MASP2: variants seen among roughly 807,000 people sequenced by gnomAD.
The protein encoded by MASP2 is MBL associated serine protease 2.
In MASP2, 49 loss-of-function variants were observed where a neutral mutation model predicts 57.1. The observed-to-expected ratio is 0.86, with a 90% confidence interval of 0.68 to 1.09. MASP2 has a LOEUF of 1.09. MASP2 is among the 50% of genes least tolerant of loss of function. The pLI, the probability that MASP2 is intolerant of heterozygous loss-of-function variation, is 0.00. For synonymous variants in MASP2, 379 were observed against 340.8 expected (o/e 1.11, Z -1.24); for missense variants, 900 against 874.8 (o/e 1.03, Z -0.36).
chr1:11,041,811 T>C (rs946025722), intron 6 of MASP2, among the ~76,000 whole-genome samples: 1 of 27,588 alleles, frequency 3.6e-5, no homozygotes, highest in African/African-American at 1.4e-4. Flanking sequence ...TATGTGTAGG[T>C]AGAAGGATGG....
intron 7 of MASP2, among the ~76,000 whole-genome samples, chr1:11,036,328 C>G (rs1299730350): frequency 1.3e-5 from 2 of 150,286 alleles, no homozygotes; most frequent in Non-Finnish European, 3.0e-5. Context: ...CAAGGTGAAA[C>G]CCCGTCTCTA....
intron 10 of MASP2, among the ~76,000 whole-genome samples, chr1:11,029,214 A>G (rs1316507419): frequency 2.7e-5 from 4 of 146,552 alleles, no homozygotes; most frequent in Non-Finnish European, 6.0e-5. Context: ...GTTGGCCAAG[A>G]TGGTCTCGAT....
At chr1:11,041,639 A>ATAG (rs1638443800) in intron 6 of MASP2, among the ~76,000 whole-genome samples, 1 of 145,938 alleles carries the variant, frequency 6.9e-6, no homozygotes, top group African/African-American at 2.6e-5. Flanking sequence ...GGATGGATGG[A>ATAG]ATGATGGGTA....
In MASP2 at chr1:11,042,209, T is replaced by C. The variant is rs148495761; in HGVS notation, c.889+666A>G. Among the ~76,000 whole-genome samples the C allele has an allele frequency of 4.9e-3, 700 of 142,220 alleles. 6 individuals are homozygous for C. The highest frequency in any genetic ancestry group is 8.1e-3 in the Non-Finnish European group (533 of 65,726). The allele number at this position is 142,220 out of a possible 152,430, so 93.3% of individuals were successfully genotyped here. On this transcript the variant is annotated intron_variant, in intron 6 of 10. Transcript: ENST00000400897. ...GACGATGGGTGTATGGATGGATGGA[T>C]AGAAGGATATGTAGAAGGATGGGTG...
intron 9 of MASP2, 33 bp from the exon 10 acceptor site, chr1:11,030,283 CT>C (rs1557666925): frequency 6.8e-7 from 1 of 1,471,778 alleles, no homozygotes; most frequent in East Asian, 2.3e-5. Flanking sequence ...AAATGTTTAA[CT>C]GCATGTATAA....
chr1:11,031,089 C>G (rs921768420), intron 8 of MASP2, among the ~76,000 whole-genome samples: 5 of 151,906 alleles, frequency 3.3e-5, no homozygotes, highest in African/African-American at 9.7e-5. Flanking sequence ...GTCCCAATTA[C>G]TTGAGAGGCT....
chr1:11,030,838 C>T lies in MASP2; in HGVS notation c.1132G>A (p.Glu378Lys), dbSNP rs1432082916. The T allele has an allele frequency of 2.5e-6, 4 of 1,613,910 alleles. No homozygotes were observed. The highest frequency in any genetic ancestry group is 1.7e-5 in the Admixed American group (1 of 59,980). Residue 378 changes from glutamate (E) to lysine (K), a missense_variant, in exon 9 of 11, where the codon GAG (glutamate) becomes AAG (lysine). Transcript: ENST00000400897. ...GTCACTCCAGGACCTGTGATGTACT[C>T]CACTCGGCCACTGGGTAGATCATCA... ...PPDDLPSGRVEYITGPGVTTY... is the reference protein window; with the variant it reads ...PPDDLPSGRVKYITGPGVTTY...
At chr1:11,035,919 C>T (rs1643883039) in intron 7 of MASP2, among the ~76,000 whole-genome samples, 1 of 141,168 alleles carries the variant, frequency 7.1e-6, no homozygotes, top group Non-Finnish European at 1.5e-5. Flanking sequence ...AAAAAAAAGC[C>T]AGAGGACTGT....
intron 6 of MASP2, among the ~76,000 whole-genome samples, chr1:11,039,508 AGAAT>A (rs201272210): frequency 0.08 from 7,784 of 97,430 alleles, 636 homozygotes; most frequent in African/African-American, 0.24. Flanking sequence ...GATGGATGAA[AGAAT>A]GAATGGATGA....
At chr1:11,032,674 C>T (rs376227438) in intron 8 of MASP2, among the ~76,000 whole-genome samples, 2 of 150,428 alleles carry the variant, frequency 1.3e-5, no homozygotes, top group Non-Finnish European at 2.9e-5. Flanking sequence ...TTTGGGAGGC[C>T]AAGGCAGGTG....
chr1:11,047,013 C>A lies in MASP2; in HGVS notation c.112G>T (p.Glu38Ter), dbSNP rs750538218. ...CGCCGCTCCTGGTCATTGGCATACT[C>A]CCCTGGAAAGCCGGGGGATGCCAGG... ...GRLASPGFPG[E>*]YANDQERRWT... is the part of the protein sequence containing the mutation. Residue 38 changes from glutamate to a stop codon, truncating the protein, a stop_gained, in exon 2 of 11, where the codon GAG becomes TAG. Transcript: ENST00000400897. LOFTEE classifies it high-confidence loss of function. 3 of 1,552,924 alleles carry A rather than the reference C, an allele frequency of 1.9e-6. No individual in the cohort carries two copies. The highest frequency in any genetic ancestry group is 2.4e-5 in the South Asian group (2 of 84,210).
At position 11,045,502 on chromosome 1, in the gene MASP2, G is replaced by T. The variant is rs1638608540; in HGVS notation, c.450C>A (p.Pro150=). ...GGTTGTGGCAGTGGTGGTCGCAGGT[G>T]GGCGCCTCTCCCGGGGCCACCTGGC... ...DECQVAPGEA[P]TCDHHCHNHL... is the part of the protein sequence containing the mutation. Residue 150 remains proline (P), a synonymous_variant, in exon 4 of 11, where the codon CCC becomes CCA. Transcript: ENST00000400897. 5.6e-6 allele frequency: 9 copies of T among 1,611,256 alleles called. No homozygotes were observed. The highest frequency in any genetic ancestry group is 7.6e-6 in the Non-Finnish European group (9 of 1,179,600).
chr1:11,046,856 C>T lies in MASP2; in HGVS notation c.234+35G>A, dbSNP rs902308795. ...GGCTACTCCTTGGGGACCCCCCGAC[C>T]CTGAGAAACCCCAGCCCTCCCGTCC... On this transcript the variant is annotated intron_variant, in intron 2 of 10. Transcript: ENST00000400897. The T allele has an allele frequency of 3.9e-6, 6 of 1,552,336 alleles. No homozygotes were observed. The South Asian group carries it at 5.9e-5, about 15-fold the overall frequency.
chr1:11,032,751 A>G (rs1387886530), intron 8 of MASP2, among the ~76,000 whole-genome samples: 2 of 151,972 alleles, frequency 1.3e-5, no homozygotes, highest in Admixed American at 6.6e-5. Context: ...TCTACTAAAA[A>G]TAGAAAAATT....
At chr1:11,028,079 G>T (rs907286311) in intron 10 of MASP2, among the ~76,000 whole-genome samples, 5 of 151,916 alleles carry the variant, frequency 3.3e-5, no homozygotes, top group Admixed American at 3.3e-4. Flanking sequence ...AAAATTAGCC[G>T]GGCGTGGTGA....
Position 11,030,399 on chromosome 1 carries a change from G to C in MASP2, c.1223-149C>G, listed in dbSNP as rs1643824231. ...ACCATTTTACATGATTTCATAAATA[G>C]GAGGTCTCTGCATTACCATGTTTGC... On this transcript the variant is annotated intron_variant, in intron 9 of 10. Transcript: ENST00000400897. The C allele has an allele frequency of 4.9e-6, 3 of 617,098 alleles. No individual in the cohort carries two copies. The East Asian group carries it at 8.4e-5, about 17-fold the overall frequency. The allele number at this position is 617,098 out of a possible 1,614,324, so 38.2% of individuals were successfully genotyped here.
rs1643850764 is a variant in MASP2, at chr1:11,031,826, T to C, written c.1088-944A>G. Among the ~76,000 whole-genome samples, 3 of 152,024 alleles carry C rather than the reference T, an allele frequency of 2.0e-5. No individual in the cohort carries two copies. The South Asian group carries it at 6.2e-4, about 32-fold the overall frequency. On this transcript the variant is annotated intron_variant, in intron 8 of 10. Coordinates refer to ENST00000400897, the MANE Select transcript of MASP2 (RefSeq NM_006610.4). ...TACTCAGGAGGCTGAAGCAGGAGGATGGCTTGAGCCTGGGAGGATGAGGCC... is the reference window on the plus strand; with the variant it reads ...TACTCAGGAGGCTGAAGCAGGAGGACGGCTTGAGCCTGGGAGGATGAGGCC...
intron 7 of MASP2, among the ~76,000 whole-genome samples, chr1:11,035,734 A>G (rs1643881528): frequency 6.6e-6 from 1 of 151,954 alleles, no homozygotes; most frequent in African/African-American, 2.4e-5. Flanking sequence ...CACCTCTACA[A>G]AAAAGACAAA....
At chr1:11,037,635 A>G (rs1557671567) in intron 7 of MASP2, 58 bp downstream of exon 7, 5 of 1,079,862 alleles carry the variant, frequency 4.6e-6, no homozygotes, top group Non-Finnish European at 5.4e-6. Context: ...GCAGATAGAA[A>G]TATGTTTACA....
Sources: allele counts gnomAD v4.1 joint callset (sites outside exome capture counted in the v4.1 genomes callset), GRCh38; gene constraint gnomAD v4.1.1; transcripts MANE v1.5; gene names NCBI Gene and HGNC (gene_info 2026-07-23, HGNC 2026-07-21).